The following SYNE1 variants were observed in gnomAD, a reference collection of about 807,000 sequenced individuals.
SYNE1 encodes the protein spectrin repeat containing nuclear envelope protein 1.
Under a neutral mutation model 1,111.0 loss-of-function variants are expected in SYNE1, and 616 were observed. That is an observed-to-expected ratio of 0.55 (90% CI 0.52 to 0.59). The LOEUF is 0.59. Among genes scored for constraint, SYNE1 ranks in the 20% least tolerant of loss-of-function variants. The pLI is 0.00. For missense variants in SYNE1, 10,006 were observed against 10,417.0 expected, an observed-to-expected ratio of 0.96 and a Z score of 1.72; for synonymous variants, 3,855 against 3,825.8, an observed-to-expected ratio of 1.01 and a Z score of -0.28.
chr6:152,208,223 T>C lies in SYNE1; in HGVS notation c.22590-17A>G, dbSNP rs756803477. On this transcript the variant is annotated splice_polypyrimidine_tract_variant and intron_variant, in intron 124 of 145. Transcript: ENST00000367255. ...AATTCATCCCTAGTGAAGAAATAAT[T>C]ACATGGTAAAAAAGCACTGTTATCT... is the stretch of plus-strand genomic sequence containing the variant. The C allele has an allele frequency of 1.7e-4, 267 of 1,609,280 alleles. No individual in the cohort carries two copies. Among genetic ancestry groups the C allele is most frequent in the Non-Finnish European group, 2.3e-4 (267 of 1,176,184 alleles).
At position 152,295,725 on chromosome 6, in the gene SYNE1, T is replaced by C. The variant is rs73623022; in HGVS notation, c.17683-1598A>G. 5.3e-3 allele frequency among the ~76,000 whole-genome samples: 805 copies of C among 152,198 alleles called. 8 individuals are homozygous for C. Among genetic ancestry groups the C allele is most frequent in the African/African-American group, 0.018 (734 of 41,526 alleles). On this transcript the variant is annotated intron_variant, in intron 93 of 145. Transcript: ENST00000367255. ...TCTCAAATTTTCAAAAGTCTATGTA[T>C]ATTCACACTCACCCTTATCTTATGC...
chr6:152,500,299 A>G (rs2099022321), intron 10 of SYNE1, among the ~76,000 whole-genome samples: 1 of 152,212 alleles, frequency 6.6e-6, no homozygotes, highest in African/African-American at 2.4e-5. Flanking sequence ...ATTTGCATCA[A>G]TCCATGCCAG....
rs768349875 is a variant in SYNE1, at chr6:152,430,596, C to T, written c.4575G>A (p.Lys1525=). ...CCCCGTATCTTCTTATTTGTGTCAA[C>T]TTGGCTTTAATTCGAGCAGATTCTC... ...TTGESARIKA[K]LTQIRRYGEE... Residue 1525 remains lysine (K), a synonymous_variant, in exon 35 of 146, where the codon AAG becomes AAA. Transcript: ENST00000367255. 1 of 1,614,126 alleles carries T rather than the reference C, an allele frequency of 6.2e-7. No homozygotes were observed. Among genetic ancestry groups the T allele is most frequent in the East Asian group, 2.2e-5 (1 of 44,878 alleles).
Position 152,330,624 on chromosome 6 carries a change from C to G in SYNE1, c.14061G>C (p.Leu4687=), listed in dbSNP as rs3734365. Residue 4687 remains leucine (L), a synonymous_variant, in exon 78 of 146, where the codon CTG becomes CTC. Coordinates refer to ENST00000367255, the MANE Select transcript of SYNE1 (RefSeq NM_182961.4). The part of the protein sequence containing the change: ...ASLIELTTQS[L]SELEAQFLRM... Reference sequence around the variant, plus strand: ...TCAAGAATTGGGCTTCAAGTTCACTCAGAGACTGGGTTGTCAACTCAATCA... The same window carrying G: ...TCAAGAATTGGGCTTCAAGTTCACTGAGAGACTGGGTTGTCAACTCAATCA... 0.076 allele frequency: 121,813 copies of G among 1,613,398 alleles called. 7,834 individuals are homozygous for G. The highest frequency in any genetic ancestry group is 0.41 in the East Asian group (18,522 of 44,848).
At position 152,234,791 on chromosome 6, in the gene SYNE1, A is replaced by G. The variant is rs2083605927; in HGVS notation, c.20406T>C (p.Ser6802=). The part of the protein sequence containing the change: ...TILKHWTRYQ[S]ESADLIHWLQ... ...ACCAGTGAATTAGATCTGCAGATTC[A>G]CTTTGATATCTGTTAAGTATATTAT... The change falls in exon 111 of 146, where the codon AGT becomes AGC. Residue 6802 remains serine, a synonymous_variant. Coordinates refer to ENST00000367255, the MANE Select transcript of SYNE1 (RefSeq NM_182961.4). 3 of 1,613,990 alleles carry G rather than the reference A, an allele frequency of 1.9e-6. No individual in the cohort carries two copies. Among genetic ancestry groups the G allele is most frequent in the African/African-American group, 1.3e-5 (1 of 74,920 alleles).
At chr6:152,544,046 T>G (rs1737039040) in intron 3 of SYNE1, among the ~76,000 whole-genome samples, 1 of 152,250 alleles carries the variant, frequency 6.6e-6, no homozygotes, top group Non-Finnish European at 1.5e-5. Flanking sequence ...GAAAACAGTT[T>G]AAATATATTT....
chr6:152,580,996 G>A (rs1288167092), intron 3 of SYNE1, among the ~76,000 whole-genome samples: 4 of 152,118 alleles, frequency 2.6e-5, no homozygotes, highest in African/African-American at 9.7e-5. Flanking sequence ...TCTTCTCTTG[G>A]CTTCTTATAC....
intron 115 of SYNE1, among the ~76,000 whole-genome samples, chr6:152,226,527 A>T (rs1588226278): frequency 1.3e-5 from 2 of 152,228 alleles, no homozygotes; most frequent in East Asian, 1.9e-4. Flanking sequence ...TGGGATATGC[A>T]TTCATAATTG....
Position 152,316,878 on chromosome 6 carries a change from G to A in SYNE1, c.16681C>T (p.Gln5561Ter). Residue 5561 changes from glutamine (Q) to a stop codon, truncating the protein, a stop_gained, in exon 87 of 146, where the codon CAG (glutamine) becomes TAG (stop). Transcript: ENST00000367255. LOFTEE classifies it high-confidence loss of function. ...TGCAAAATATATTGTTCCCGAAGCT[G>A]GCTTGCAGAATTCCATGCAATAGTT... is the stretch of plus-strand genomic sequence containing the variant. ...HGTIAWNSAS[Q>*]LREQYILHQT... The A allele has an allele frequency of 6.2e-7, 1 of 1,614,090 alleles. No homozygotes were observed.
intron 3 of SYNE1, among the ~76,000 whole-genome samples, chr6:152,625,833 TG>T (rs2099684579): frequency 6.6e-6 from 1 of 152,218 alleles, no homozygotes; most frequent in African/African-American, 2.4e-5. Flanking sequence ...TTTTCTTCCA[TG>T]ACTATTTGAA....
chr6:152,409,696 A>G lies in SYNE1; in HGVS notation c.6244T>C (p.Cys2082Arg), dbSNP rs754744124. ...RLIHENQGQC[C>R]GLIDLMREYQ... ...TCTCTCATTAAGTCAATAAGTCCAC[A>G]GCACTGACCCTGACTGTAATGATTA... Residue 2082 changes from cysteine (C) to arginine (R), a missense_variant, in exon 43 of 146, where the codon TGT becomes CGT. This residue lies in a region of SYNE1 where 4,955 missense variants were observed against 5,017.2 expected (regional missense o/e 0.99). Transcript: ENST00000367255. 6.2e-7 allele frequency: 1 copy of G among 1,613,730 alleles called. No homozygotes were observed. The highest frequency in any genetic ancestry group is 8.5e-7 in the Non-Finnish European group (1 of 1,179,944).
chr6:152,225,796 CT>C lies in SYNE1; in HGVS notation c.21275del (p.Lys7092ArgfsTer10). The C allele has an allele frequency of 6.2e-7, 1 of 1,614,098 alleles. No individual in the cohort carries two copies. The highest frequency in any genetic ancestry group is 8.5e-7 in the Non-Finnish European group (1 of 1,180,012). On this transcript the variant is annotated frameshift_variant, in exon 116 of 146. Coordinates refer to ENST00000367255, the MANE Select transcript of SYNE1 (RefSeq NM_182961.4). LOFTEE classifies it high-confidence loss of function. ...EQNGLALIQN[K>X]KEDVSSIVMS... ...TGACAATGCTAGAGACGTCTTCTTT[CT>C]TGTTCTGAATCAAAGCAAGTCCATT...
In SYNE1 at chr6:152,354,824, G is replaced by A. The variant is rs201715967; in HGVS notation, c.10761C>T (p.Ser3587=). 286 of 1,614,054 alleles carry A rather than the reference G, an allele frequency of 1.8e-4. No individual in the cohort carries two copies. Among genetic ancestry groups the A allele is most frequent in the Non-Finnish European group, 2.1e-4 (244 of 1,180,028 alleles). The part of the protein sequence containing the change: ...QDWQAYQHRL[S]ETRTQFNNVV... ...CGTTATTGAACTGAGTTCGAGTCTC[G>A]GACAGCCTGTGCTGGTAAGCCTGCC... The change falls in exon 67 of 146, where the codon TCC becomes TCT. Residue 3587 remains serine, a synonymous_variant. Transcript: ENST00000367255.
rs145117891 is a variant in SYNE1 at position 152,364,944 on chromosome 6, T to C, written c.10048A>G (p.Asn3350Asp). The change falls in exon 63 of 146, where the codon AAT (asparagine) becomes GAT (aspartate). Residue 3350 changes from asparagine to aspartate, a missense_variant. By Grantham distance (23) the Asn-to-Asp change is conservative. Coordinates refer to ENST00000367255, the MANE Select transcript of SYNE1 (RefSeq NM_182961.4). Reference sequence around the variant, plus strand: ...GTGGGAATGCCTTCTGGAGAAGTATTCTGAAGGACAGATTCTCCCCTGGTC... The same window carrying C: ...GTGGGAATGCCTTCTGGAGAAGTATCCTGAAGGACAGATTCTCCCCTGGTC... ...IVTRGESVLQ[N>D]TSPEGIPTIQ... 9.6e-5 allele frequency: 155 copies of C among 1,614,118 alleles called. No individual in the cohort carries two copies. The highest frequency in any genetic ancestry group is 1.2e-4 in the Non-Finnish European group (147 of 1,180,042).
rs2154018582 is a variant in SYNE1, at chr6:152,344,087, A to G, written c.12219T>C (p.Ile4073=). The change falls in exon 74 of 146, where the codon ATT becomes ATC. Residue 4073 remains isoleucine (I), a synonymous_variant. Transcript: ENST00000367255. The part of the protein sequence containing the change: ...PQPPLSRAEA[I]KQVKHFRALQ... ...ACTTTCAGGAGTTTACTACCTGCTTAATGGCTTCTGCCCTACTAAGAGGTG... is the reference window on the plus strand; with the variant it reads ...ACTTTCAGGAGTTTACTACCTGCTTGATGGCTTCTGCCCTACTAAGAGGTG... 1 of 1,614,218 alleles carries G rather than the reference A, an allele frequency of 6.2e-7. No homozygotes were observed. Among genetic ancestry groups the G allele is most frequent in the Admixed American group, 1.7e-5 (1 of 60,020 alleles).
At chr6:152,481,321 A>G (rs1165995320) in intron 14 of SYNE1, 1 of 270,652 alleles carries the variant, frequency 3.7e-6, no homozygotes, top group East Asian at 8.7e-5. Flanking sequence ...AAACCTGCAC[A>G]TAGTAGGAAT....
intron 97 of SYNE1, among the ~76,000 whole-genome samples, chr6:152,280,796 T>C (rs554360036): frequency 9.6e-4 from 146 of 152,278 alleles, no homozygotes; most frequent in Admixed American, 1.9e-3. Flanking sequence ...GCAGAAAAAC[T>C]TGCATATGGC....
At chr6:152,519,603 T>A (rs933922599) in intron 6 of SYNE1, among the ~76,000 whole-genome samples, 2 of 152,114 alleles carry the variant, frequency 1.3e-5, no homozygotes, top group African/African-American at 4.8e-5. Context: ...ACAGAACAAT[T>A]CCAATTAATA....
intron 2 of SYNE1, among the ~76,000 whole-genome samples, chr6:152,635,377 T>G (rs1488901868): frequency 6.6e-6 from 1 of 152,182 alleles, no homozygotes; most frequent in Non-Finnish European, 1.5e-5. Flanking sequence ...AGTATAGATC[T>G]CTCACATTTT....
Sources: gnomAD v4.1 joint callset for allele counts (sites outside exome capture counted in the v4.1 genomes callset) on GRCh38, gnomAD v4.1.1 for gene constraint, gnomAD v4.1.1 regional missense constraint, MANE v1.5 for transcripts, NCBI Gene and HGNC (gene_info 2026-07-23, HGNC 2026-07-21) for gene names.